Variants in SNAPC4 observed in about 807,000 individuals in gnomAD.
The protein encoded by SNAPC4 is snRNA-activating protein complex subunit 4.
Under a neutral mutation model 151.3 loss-of-function variants are expected in SNAPC4, and 127 were observed. That is an observed-to-expected ratio of 0.84 (90% CI 0.73 to 0.97). The LOEUF (loss-of-function observed/expected upper bound fraction) is 0.97, where lower values mean the gene tolerates loss of function less well. SNAPC4 is among the 50% of genes least tolerant of loss of function. The pLI is 0.00. For synonymous variants in SNAPC4, 1,002 were observed against 824.4 expected, an observed-to-expected ratio of 1.22 and a Z score of -3.69; for missense variants, 2,186 against 1,935.0, an observed-to-expected ratio of 1.13 and a Z score of -2.43.
intron 13 of SNAPC4, 84 bp downstream of exon 13, chr9:136,387,401 C>A: frequency 9.9e-7 from 1 of 1,015,080 alleles, no homozygotes; most frequent in South Asian, 1.3e-5. Flanking sequence ...CCGCTGTCCC[C>A]CAGCCCGCCC....
At chr9:136,398,958 G>A (rs12379387) in intron 1 of SNAPC4, among the ~76,000 whole-genome samples, 41 of 152,246 alleles carry the variant, frequency 2.7e-4, no homozygotes, top group Non-Finnish European at 4.7e-4. Flanking sequence ...CTAACAGCAT[G>A]GTTGGGAAGG....
At chr9:136,380,656 C>G (rs991543108) in intron 20 of SNAPC4, 84 bp downstream of exon 20, 6 of 744,198 alleles carry the variant, frequency 8.1e-6, no homozygotes, top group Non-Finnish European at 1.4e-5. Context: ...GCGGGTGGGG[C>G]GGGCAGCCAG....
rs761509641 is a variant in SNAPC4, at chr9:136,376,436, T to C, written c.4330A>G (p.Thr1444Ala). The change falls in exon 23 of 24, where the codon ACT becomes GCT. Residue 1444 changes from threonine (T) to alanine (A), a missense_variant. Coordinates refer to ENST00000684778, the MANE Select transcript of SNAPC4 (RefSeq NM_003086.4). The part of the protein sequence containing the change: ...GKCSASSCLD[T>A]SNDPDDLDVL... ...TCCAGGTCGTCAGGGTCATTAGAAGTATCCAGGCAGGAGGAAGCAGAGCAT... is the reference window on the plus strand; with the variant it reads ...TCCAGGTCGTCAGGGTCATTAGAAGCATCCAGGCAGGAGGAAGCAGAGCAT... 3 of 1,613,414 alleles carry C rather than the reference T, an allele frequency of 1.9e-6. No homozygotes were observed. The highest frequency in any genetic ancestry group is 2.5e-6 in the Non-Finnish European group (3 of 1,179,896).
At chr9:136,387,692 G>A (rs546730476) in intron 12 of SNAPC4, 50 bp downstream of exon 12, 2 of 1,407,906 alleles carry the variant, frequency 1.4e-6, no homozygotes, top group Admixed American at 1.7e-5. Flanking sequence ...GCTGAACACA[G>A]CCGCGTTACC....
intron 6 of SNAPC4, 150 bp downstream of exon 6, chr9:136,394,650 C>G: frequency 7.1e-6 from 5 of 700,802 alleles, no homozygotes; most frequent in Non-Finnish European, 1.2e-5. Flanking sequence ...AGGCAGGAGT[C>G]AAGGGGCCAG....
intron 13 of SNAPC4, among the ~76,000 whole-genome samples, chr9:136,386,146 CTT>C (rs34717778): frequency 2.8e-5 from 4 of 145,304 alleles, no homozygotes; most frequent in Non-Finnish European, 4.5e-5. Context: ...AACACGGTGA[CTT>C]TTTTTTTTTT....
rs1393229599 is a variant in SNAPC4 at position 136,381,834 on chromosome 9, C to T, written c.2307G>A (p.Val769=). The T allele has an allele frequency of 3.7e-6, 6 of 1,612,120 alleles. No homozygotes were observed. The highest frequency in any genetic ancestry group is 5.1e-6 in the Non-Finnish European group (6 of 1,179,772). The change falls in exon 18 of 24, where the codon GTG becomes GTA. Residue 769 remains valine, a synonymous_variant. Coordinates refer to ENST00000684778, the MANE Select transcript of SNAPC4 (RefSeq NM_003086.4). ...AGCCCCAGGCCATACCTTGAGTCTGCACTACGGCGGGTCTCTGGGAAGCCT... is the reference window on the plus strand; with the variant it reads ...AGCCCCAGGCCATACCTTGAGTCTGTACTACGGCGGGTCTCTGGGAAGCCT... ...CTQASQRPAV[V]QTQADGLREQ... is the part of the protein sequence containing the mutation.
chr9:136,388,365 A>C, intron 11 of SNAPC4, 79 bp downstream of exon 11: 3 of 1,473,324 alleles, frequency 2.0e-6, no homozygotes, highest in Non-Finnish European at 2.8e-6. Flanking sequence ...CTTCTCTGTG[A>C]ATTTTCCCTG....
chr9:136,394,781 G>C lies in SNAPC4; in HGVS notation c.550+19C>G, dbSNP rs1229320014. 4 of 1,611,884 alleles carry C rather than the reference G, an allele frequency of 2.5e-6. No homozygotes were observed. The African/African-American group carries it at 5.3e-5, about 22-fold the overall frequency. On this transcript the variant is annotated intron_variant, in intron 6 of 23. Coordinates refer to ENST00000684778, the MANE Select transcript of SNAPC4 (RefSeq NM_003086.4). ...TGTCCCAAGCTCAGGGGTGCCGCAG[G>C]GCCGGCCAGGGCTCTTACATTTGGT...
In SNAPC4 at chr9:136,381,946, C is replaced by G; in HGVS notation, c.2195G>C (p.Arg732Thr). ...RATQSGQRRW[R>T]HALHRRLLNR... ...CAGGAGCCTCCGGTGCAGAGCGTGT[C>G]TCCAGCGCCGCTGCCCACTCTGGGT... Residue 732 changes from arginine to threonine, a missense_variant, in exon 18 of 24, where the codon AGA (arginine) becomes ACA (threonine). Transcript: ENST00000684778. 3.7e-6 allele frequency: 6 copies of G among 1,612,608 alleles called. No homozygotes were observed. The highest frequency in any genetic ancestry group is 5.1e-6 in the Non-Finnish European group (6 of 1,179,972).
intron 20 of SNAPC4, 148 bp from the exon 21 acceptor site, chr9:136,380,012 G>C (rs770438555): frequency 5.4e-5 from 78 of 1,439,200 alleles, no homozygotes; most frequent in Non-Finnish European, 7.5e-5. Context: ...GCCTCTGTAG[G>C]AACTCCGGGG....
In SNAPC4 at chr9:136,377,802, C is replaced by A. The variant is rs764598251; in HGVS notation, c.4025G>T (p.Gly1342Val). The A allele has an allele frequency of 5.0e-6, 8 of 1,611,696 alleles. No individual in the cohort carries two copies. Among genetic ancestry groups the A allele is most frequent in the Non-Finnish European group, 6.8e-6 (8 of 1,179,702 alleles). The change falls in exon 22 of 24, where the codon GGA becomes GTA. Residue 1342 changes from glycine (G) to valine (V), a missense_variant. Gly to Val is a moderately radical substitution (Grantham distance 109). Coordinates refer to ENST00000684778, the MANE Select transcript of SNAPC4 (RefSeq NM_003086.4). ...CAGCCCCAGTGAGGCTTGCAGTGCT[C>A]CGGCCGGCCGCTCAGCCTCGCCCCC... The part of the protein sequence containing the change: ...VVGGEAERPA[G>V]ALQASLGLVR...
chr9:136,391,920 G>A, intron 10 of SNAPC4, 22 bp downstream of exon 10: 1 of 1,595,740 alleles, frequency 6.3e-7, no homozygotes, highest in South Asian at 1.1e-5. Context: ...CCTGGCCCCT[G>A]GGGTCCAGGC....
intron 20 of SNAPC4, 45 bp downstream of exon 20, chr9:136,380,695 G>T: frequency 9.0e-7 from 1 of 1,114,450 alleles, no homozygotes; most frequent in Non-Finnish European, 1.4e-6. Flanking sequence ...CCAACGCCGG[G>T]GCGGGCAGTG....
At chr9:136,398,852 G>A (rs1834359861) in intron 1 of SNAPC4, 1 of 168,272 alleles carries the variant, frequency 5.9e-6, no homozygotes, top group African/African-American at 2.4e-5. Context: ...GACCCACTTT[G>A]GCCATCCTGC....
chr9:136,377,973 C>T lies in SNAPC4; in HGVS notation c.3854G>A (p.Trp1285Ter). Residue 1285 changes from tryptophan (W) to a stop codon, truncating the protein, a stop_gained, in exon 22 of 24, where the codon TGG (tryptophan) becomes TAG (stop). Transcript: ENST00000684778. LOFTEE classifies it high-confidence loss of function. ...ACGCACCCCCCGCTGGCCCCCCAGC[C>T]ACTGCTGTGTGGCCGCCTCGCCCTC... ...SQEGEAATQQ[W>*]LGGQRGVRVP... 6.2e-7 allele frequency: 1 copy of T among 1,603,468 alleles called. No individual in the cohort carries two copies. Among genetic ancestry groups the T allele is most frequent in the Non-Finnish European group, 8.5e-7 (1 of 1,175,174 alleles).
intron 21 of SNAPC4, among the ~76,000 whole-genome samples, chr9:136,379,565 G>C (rs1833612791): frequency 6.6e-6 from 1 of 152,232 alleles, no homozygotes; most frequent in Admixed American, 6.5e-5. Context: ...CAGCTTGCCG[G>C]TGTTGGGCAT....
chr9:136,395,232 T>C (rs948340490), intron 5 of SNAPC4, 66 bp downstream of exon 5: 62 of 1,561,104 alleles, frequency 4.0e-5, no homozygotes, highest in Non-Finnish European at 4.6e-5. Flanking sequence ...GCAGCAGGAC[T>C]TGGGGACAAG....
At position 136,394,874 on chromosome 9, in the gene SNAPC4, G is replaced by A; in HGVS notation, c.476C>T (p.Pro159Leu). 2 of 1,613,728 alleles carry A rather than the reference G, an allele frequency of 1.2e-6. No homozygotes were observed. Among genetic ancestry groups the A allele is most frequent in the Non-Finnish European group, 1.7e-6 (2 of 1,179,906 alleles). The change falls in exon 6 of 24, where the codon CCA becomes CTA. Residue 159 changes from proline to leucine, a missense_variant. Pro to Leu is a moderately conservative substitution (Grantham distance 98). Transcript: ENST00000684778. ...YFKDKVTGVG[P>L]PANEDTREKA... ...CTCTCGTGTGTCCTCGTTGGCAGGT[G>A]GCCCCTGTCAGGGTGCACGGCATCA...
Sources: gnomAD v4.1 joint callset for allele counts (sites outside exome capture counted in the v4.1 genomes callset) on GRCh38, gnomAD v4.1.1 for gene constraint, MANE v1.5 for transcripts, NCBI Gene and HGNC (gene_info 2026-07-23, HGNC 2026-07-21) for gene names.